SLC71A2: variants seen among roughly 807,000 people sequenced by gnomAD.
SLC71A2 encodes solute carrier family 71 member 2.
At chr9:94,400,055 C>T in the SLC71A2 span, among the ~76,000 whole-genome samples, 1,134 of 152,124 alleles carry the variant, frequency 7.5e-3, 23 homozygotes, top group Admixed American at 0.037. Context: ...AAGTGATCCG[C>T]CCGTCTAGGC....
At chr9:94,455,548 T>G in the SLC71A2 span, among the ~76,000 whole-genome samples, 6 of 152,134 alleles carry the variant, frequency 3.9e-5, no homozygotes. Flanking sequence ...ACTTGCTTGA[T>G]TCTCCTTGTT....
At chr9:94,378,105 G>A in the SLC71A2 span, among the ~76,000 whole-genome samples, 5 of 141,980 alleles carry the variant, frequency 3.5e-5, no homozygotes, top group African/African-American at 1.4e-4. Context: ...CCAGCCTGGC[G>A]ACAGAGCGAG....
chr9:94,445,927 A>G, the SLC71A2 span, among the ~76,000 whole-genome samples: 2 of 152,320 alleles, frequency 1.3e-5, no homozygotes, highest in African/African-American at 4.8e-5. Flanking sequence ...CTGTTCTATT[A>G]TTGTCACAAT....
At chr9:94,457,592 C>T in the SLC71A2 span, among the ~76,000 whole-genome samples, 1 of 152,076 alleles carries the variant, frequency 6.6e-6, no homozygotes, top group East Asian at 1.9e-4. Flanking sequence ...GGTGCTGTGT[C>T]TGAAGTGAAG....
the SLC71A2 span, among the ~76,000 whole-genome samples, chr9:94,404,304 G>GT: frequency 6.6e-6 from 1 of 151,318 alleles, no homozygotes; most frequent in Non-Finnish European, 1.5e-5. Flanking sequence ...TCTCTTTTTT[G>GT]TTTTTTTGGG....
chr9:94,397,253 A>G, the SLC71A2 span, among the ~76,000 whole-genome samples: 1 of 152,184 alleles, frequency 6.6e-6, no homozygotes, highest in Admixed American at 6.5e-5. Context: ...CCTTATTATT[A>G]ACATTTTACA....
chr9:94,455,919 G>A, the SLC71A2 span, among the ~76,000 whole-genome samples: 4 of 152,130 alleles, frequency 2.6e-5, no homozygotes, highest in African/African-American at 7.2e-5. Context: ...AGCAACAAAA[G>A]AAATCTCCTT....
chr9:94,385,849 T>A, the SLC71A2 span, among the ~76,000 whole-genome samples: 1 of 152,110 alleles, frequency 6.6e-6, no homozygotes, highest in Non-Finnish European at 1.5e-5. Flanking sequence ...CCATATGAAT[T>A]TGAGGTGATC....
chr9:94,402,032 G>A, the SLC71A2 span, among the ~76,000 whole-genome samples: 23 of 152,270 alleles, frequency 1.5e-4, no homozygotes, highest in East Asian at 1.2e-3. Flanking sequence ...TAGCAGTGAC[G>A]ATGACCAGAG....
chr9:94,389,738 C>T, the SLC71A2 span, among the ~76,000 whole-genome samples: 2 of 151,966 alleles, frequency 1.3e-5, no homozygotes, highest in African/African-American at 2.4e-5. Flanking sequence ...TCTGGAGTAG[C>T]TAGGACTATA....
chr9:94,425,360 CA>C, the SLC71A2 span, among the ~76,000 whole-genome samples: 1 of 152,118 alleles, frequency 6.6e-6, no homozygotes, highest in African/African-American at 2.4e-5. Context: ...GTGGTCAATG[CA>C]ATCATAATCA....
chr9:94,424,016 G>A, the SLC71A2 span, among the ~76,000 whole-genome samples: 15 of 152,230 alleles, frequency 9.9e-5, no homozygotes, highest in African/African-American at 3.4e-4. Context: ...ATTGTGTTTG[G>A]TAGGGGGTCA....
the SLC71A2 span, among the ~76,000 whole-genome samples, chr9:94,420,299 G>C: frequency 2.0e-5 from 3 of 152,102 alleles, no homozygotes; most frequent in South Asian, 6.2e-4. Flanking sequence ...CAAATCCAAC[G>C]AGTCCTCTCA....
the SLC71A2 span, chr9:94,460,846 C>CCTAAAAACCA: frequency 6.6e-6 from 1 of 152,080 alleles, no homozygotes; most frequent in South Asian, 2.1e-4. Flanking sequence ...ACAGAGATAA[C>CCTAAAAACCA]ATATCTTTTT....
chr9:94,428,598 C>A, the SLC71A2 span, among the ~76,000 whole-genome samples: 5 of 145,144 alleles, frequency 3.4e-5, no homozygotes, highest in East Asian at 4.0e-4. Flanking sequence ...ATACCCCCCC[C>A]CCTTTTTTTT....
chr9:94,402,855 A>T, the SLC71A2 span, among the ~76,000 whole-genome samples: 1 of 152,306 alleles, frequency 6.6e-6, no homozygotes, highest in East Asian at 1.9e-4. Flanking sequence ...TTAATGCATG[A>T]TGTAGTTTGA....
the SLC71A2 span, among the ~76,000 whole-genome samples, chr9:94,414,975 G>A: frequency 1.3e-5 from 2 of 152,134 alleles, no homozygotes; most frequent in South Asian, 2.1e-4. Context: ...TGTAATCTTA[G>A]CACCTTCCCT....
chr9:94,397,698 G>T, the SLC71A2 span, among the ~76,000 whole-genome samples: 39 of 152,160 alleles, frequency 2.6e-4, no homozygotes, highest in African/African-American at 9.2e-4. Context: ...GTCCTGGACA[G>T]TGTTGAGGAG....
the SLC71A2 span, among the ~76,000 whole-genome samples, chr9:94,401,774 G>A: frequency 3.3e-5 from 5 of 151,058 alleles, no homozygotes; most frequent in East Asian, 1.9e-4. Context: ...GATAGACCTC[G>A]AACAAGAAAG....
Sources: allele counts gnomAD v4.1 joint callset (sites outside exome capture counted in the v4.1 genomes callset), GRCh38; gene constraint gnomAD v4.1.1; transcripts MANE v1.5; gene names NCBI Gene and HGNC (gene_info 2026-07-23, HGNC 2026-07-21).